PCNT: variants seen among roughly 807,000 people sequenced by gnomAD.
PCNT encodes kendrin.
Under a neutral mutation model 380.4 loss-of-function variants are expected in PCNT, and 319 were observed. That is an observed-to-expected ratio of 0.84 (90% CI 0.77 to 0.92). The LOEUF (loss-of-function observed/expected upper bound fraction) is 0.92, where lower values mean the gene tolerates loss of function less well. PCNT is among the 40% of genes least tolerant of loss of function. PCNT has a pLI of 0.00. For missense variants in PCNT, 4,400 were observed against 4,255.3 expected (o/e 1.03, Z -0.95); for synonymous variants, 1,845 against 1,735.2 (o/e 1.06, Z -1.57).
At chr21:46,335,856 T>C (rs1445876358) in intron 3 of PCNT, among the ~76,000 whole-genome samples, 1 of 151,758 alleles carries the variant, frequency 6.6e-6, no homozygotes, top group African/African-American at 2.4e-5. Flanking sequence ...TGGCTAATTA[T>C]TGTATTTTTA....
At chr21:46,346,351 A>G (rs984280994) in intron 4 of PCNT, 143 bp downstream of exon 4, 4 of 747,362 alleles carry the variant, frequency 5.4e-6, no homozygotes, top group African/African-American at 5.2e-5. Flanking sequence ...GTGTGGGGCC[A>G]TCAGCAGGGC....
chr21:46,404,558 A>C (rs1388160320), intron 27 of PCNT, among the ~76,000 whole-genome samples: 1 of 138,870 alleles, frequency 7.2e-6, no homozygotes, highest in Non-Finnish European at 1.7e-5. Flanking sequence ...TCCTGTACGA[A>C]GTCCTCATAG....
rs140416280 is a variant in PCNT, at chr21:46,440,141, G to A, written c.9332G>A (p.Arg3111His). 2.1e-4 allele frequency: 336 copies of A among 1,614,080 alleles called. 1 individual carries two copies. In the Middle Eastern group the frequency reaches 3.1e-3, roughly 15 times the overall value. The change falls in exon 42 of 47, where the codon CGC (arginine) becomes CAC (histidine). Residue 3111 changes from arginine to histidine, a missense_variant. Coordinates refer to ENST00000359568, the MANE Select transcript of PCNT (RefSeq NM_006031.6). ...DETAPQSSLR[R>H]PDPGRLPPAA... ...ACGGCTCCACAGAGTTCCCTGAGGC[G>A]CCCAGACCCCGGCCGGCTTCCACCA... is the stretch of plus-strand genomic sequence containing the variant.
rs370875096 is a variant in PCNT, at chr21:46,397,316, A to G, written c.4268A>G (p.Lys1423Arg). ...ACCAAAGAACAGTCGGAGACCAGGA[A>G]GCAGGCTGAGAAGGACCGCTCAGCC... ...DLTKEQSETR[K>R]QAEKDRSALL... The change falls in exon 22 of 47, where the codon AAG (lysine) becomes AGG (arginine). Residue 1423 changes from lysine (K) to arginine (R), a missense_variant. Lys to Arg is a conservative substitution (Grantham distance 26). Coordinates refer to ENST00000359568, the MANE Select transcript of PCNT (RefSeq NM_006031.6). 1.9e-6 allele frequency: 3 copies of G among 1,614,038 alleles called. No homozygotes were observed. Among genetic ancestry groups the G allele is most frequent in the Non-Finnish European group, 2.5e-6 (3 of 1,180,038 alleles).
At position 46,388,703 on chromosome 21, in the gene PCNT, G is replaced by A. The variant is rs374038339; in HGVS notation, c.3465-39G>A. 29 of 1,611,724 alleles carry A rather than the reference G, an allele frequency of 1.8e-5. No individual in the cohort carries two copies. The highest frequency in any genetic ancestry group is 2.3e-5 in the Non-Finnish European group (27 of 1,179,868). On this transcript the variant is annotated intron_variant, in intron 17 of 46. Coordinates refer to ENST00000359568, the MANE Select transcript of PCNT (RefSeq NM_006031.6). This position sits in a 1 kb window ranked among gnomAD's most constrained non-coding sequence, Gnocchi z 4.2. ...CATCCAGGGTGGGGGTTCTTATGCCGTGACCAGCTTGCCTGATGATGGGTG... is the reference window on the plus strand; with the variant it reads ...CATCCAGGGTGGGGGTTCTTATGCCATGACCAGCTTGCCTGATGATGGGTG...
At chr21:46,381,868 A>G in intron 16 of PCNT, 28 bp downstream of exon 16, 1 of 1,612,612 alleles carries the variant, frequency 6.2e-7, no homozygotes. Context: ...TTCCCTTGTG[A>G]TAAGACGTGT....
chr21:46,391,981 C>G (rs889080287), intron 21 of PCNT, among the ~76,000 whole-genome samples: 1 of 152,224 alleles, frequency 6.6e-6, no homozygotes, highest in Admixed American at 6.5e-5. Context: ...AAGTTCCTTC[C>G]AGGATGGCCG....
chr21:46,348,057 C>T (rs961418848), intron 6 of PCNT, among the ~76,000 whole-genome samples: 2 of 152,216 alleles, frequency 1.3e-5, no homozygotes, highest in Non-Finnish European at 2.9e-5. Flanking sequence ...CTCTCAGGCC[C>T]TTGGCAGACG....
At chr21:46,443,689 C>A in intron 44 of PCNT, 121 bp from the exon 45 acceptor site, 1 of 958,238 alleles carries the variant, frequency 1.0e-6, no homozygotes, top group South Asian at 1.3e-5. Flanking sequence ...TTAAAAATGT[C>A]TTAAAATTGC....
intron 28 of PCNT, among the ~76,000 whole-genome samples, 197 bp from the exon 29 acceptor site, chr21:46,412,640 G>A (rs1051327814): frequency 2.0e-5 from 3 of 152,198 alleles, no homozygotes; most frequent in Admixed American, 2.0e-4. Context: ...CTGGGTCGGG[G>A]CAGCTTTCTG....
intron 15 of PCNT, among the ~76,000 whole-genome samples, chr21:46,373,078 T>C (rs1324392910): frequency 6.6e-6 from 1 of 152,250 alleles, no homozygotes. Context: ...CCGAAGGTAG[T>C]GATGCAACCA....
At position 46,422,008 on chromosome 21, in the gene PCNT, T is replaced by G. The variant is rs751633132; in HGVS notation, c.7063T>G (p.Ser2355Ala). The G allele has an allele frequency of 6.2e-7, 1 of 1,613,914 alleles. No homozygotes were observed. Among genetic ancestry groups the G allele is most frequent in the Non-Finnish European group, 8.5e-7 (1 of 1,179,988 alleles). The change falls in exon 32 of 47, where the codon TCA becomes GCA. Residue 2355 changes from serine (S) to alanine (A), a missense_variant. Coordinates refer to ENST00000359568, the MANE Select transcript of PCNT (RefSeq NM_006031.6). ...TTTTGGAGCAAGACTGAGCCCGGGG[T>G]CAGGAGGCCCTGAGGCTCAAACTGC... Reference protein sequence around the residue: ...SGFGARLSPGSGGPEAQTAGP... With the variant: ...SGFGARLSPGAGGPEAQTAGP...
intron 3 of PCNT, among the ~76,000 whole-genome samples, chr21:46,335,275 G>A (rs1026088695): frequency 6.6e-6 from 1 of 152,178 alleles, no homozygotes; most frequent in Non-Finnish European, 1.5e-5. Context: ...TTTCTGCCAC[G>A]TTCCTGGTGG....
Position 46,399,671 on chromosome 21 carries a change from C to G in PCNT, c.4666C>G (p.Gln1556Glu). ...LAIQKESADR[Q>E]VLMQEEEIKR... ...TATACAGAAAGAGTCGGCAGATAGA[C>G]AAGTGTTAATGCAGGAAGAAGAAAT... is the stretch of plus-strand genomic sequence containing the variant. Residue 1556 changes from glutamine to glutamate, a missense_variant, in exon 25 of 47, where the codon CAA becomes GAA. Gln to Glu is a conservative substitution (Grantham distance 29, BLOSUM62 2). Coordinates refer to ENST00000359568, the MANE Select transcript of PCNT (RefSeq NM_006031.6). The G allele has an allele frequency of 6.2e-7, 1 of 1,613,350 alleles. No homozygotes were observed. The highest frequency in any genetic ancestry group is 1.1e-5 in the South Asian group (1 of 91,062).
intron 14 of PCNT, among the ~76,000 whole-genome samples, chr21:46,365,568 T>TTCACTCCCGTGGGGTTCTGA (rs2084888317): frequency 1.0e-5 from 1 of 99,878 alleles, no homozygotes; most frequent in African/African-American, 3.5e-5. Flanking sequence ...TGGGGTTCTG[T>TTCACTCCCGTGGGGTTCTGA]TCACTCCCAT....
At chr21:46,377,254 G>A (rs1334579142) in intron 15 of PCNT, among the ~76,000 whole-genome samples, 1 of 152,222 alleles carries the variant, frequency 6.6e-6, no homozygotes, top group East Asian at 1.9e-4. Flanking sequence ...GTGCTGGGCA[G>A]GGAGCGGGAG....
chr21:46,428,643 C>G, intron 35 of PCNT, 53 bp downstream of exon 35: 12 of 1,438,054 alleles, frequency 8.3e-6, no homozygotes, highest in Non-Finnish European at 1.1e-5. Context: ...CCTGCCCGCC[C>G]GACACTCACC....
At position 46,345,737 on chromosome 21, in the gene PCNT, C is replaced by T. The variant is rs114043096; in HGVS notation, c.640-391C>T. 6.8e-3 allele frequency among the ~76,000 whole-genome samples: 1,035 copies of T among 152,288 alleles called. 11 individuals carry two copies. The highest frequency in any genetic ancestry group is 0.022 in the African/African-American group (894 of 41,552). ...AAGCCCGGTGCTCGCGGCAGCCACC[C>T]CGCTCTCCTCCCTCAGCTCCTCGCA... On this transcript the variant is annotated intron_variant, in intron 3 of 46. Transcript: ENST00000359568.
chr21:46,399,605 C>G lies in PCNT; in HGVS notation c.4600C>G (p.Gln1534Glu). 4 of 1,612,556 alleles carry G rather than the reference C, an allele frequency of 2.5e-6. No homozygotes were observed. Among genetic ancestry groups the G allele is most frequent in the Non-Finnish European group, 2.5e-6 (3 of 1,178,686 alleles). The change falls in exon 25 of 47, where the codon CAA becomes GAA. Residue 1534 changes from glutamine to glutamate, a missense_variant. Physicochemically the swap from Gln to Glu is conservative, Grantham distance 29. Transcript: ENST00000359568. ...PLDGEVELLQ[Q>E]KLREKLDEFN... Reference sequence around the variant, plus strand: ...GTTGTTTTAGGTTGAGTTGTTACAACAAAAGTTGAGAGAAAAGTTGGATGA... The same window carrying G: ...GTTGTTTTAGGTTGAGTTGTTACAAGAAAAGTTGAGAGAAAAGTTGGATGA...
Sources: allele counts gnomAD v4.1 joint callset (sites outside exome capture counted in the v4.1 genomes callset), GRCh38; gene constraint gnomAD v4.1.1; non-coding constraint Gnocchi (gnomAD v3.1); transcripts MANE v1.5; gene names NCBI Gene and HGNC (gene_info 2026-07-23, HGNC 2026-07-21).